CTNND2: variants seen among roughly 807,000 people sequenced by gnomAD.
CTNND2 encodes catenin delta 2, also known as catenin delta-2.
Under a neutral mutation model 144.4 loss-of-function variants are expected in CTNND2, and 22 were observed. The ratio of observed to expected loss-of-function variants is 0.15; its 90% CI spans 0.11 to 0.22. The LOEUF is 0.22. Among genes scored for constraint, CTNND2 ranks in the 10% least tolerant of loss-of-function variants. The probability of loss-of-function intolerance (pLI) is 1.00; values close to 1 mark genes in which losing one functional copy is unlikely to be tolerated. For missense variants in CTNND2, 1,353 were observed against 1,618.8 expected (o/e 0.84, Z 2.82); for synonymous variants, 751 against 695.6 (o/e 1.08, Z -1.25).
intron 1 of CTNND2, among the ~76,000 whole-genome samples, chr5:11,821,377 A>C (rs1793298237): frequency 6.6e-6 from 1 of 152,186 alleles, no homozygotes; most frequent in African/African-American, 2.4e-5. Context: ...AAGAAATGGC[A>C]AAGTGTATCA....
chr5:11,212,520 G>GC (rs1447217590), intron 10 of CTNND2, among the ~76,000 whole-genome samples: 4 of 152,198 alleles, frequency 2.6e-5, no homozygotes, highest in African/African-American at 9.7e-5. Flanking sequence ...AGACAATGGT[G>GC]CCTCTTCTTG....
intron 3 of CTNND2, among the ~76,000 whole-genome samples, chr5:11,437,561 A>ACTCCCCT: frequency 6.6e-6 from 1 of 152,332 alleles, no homozygotes; most frequent in Admixed American, 6.5e-5. Context: ...TGAGGGGAGT[A>ACTCCCCT]AATAAGGGAT....
intron 3 of CTNND2, among the ~76,000 whole-genome samples, chr5:11,427,198 G>A (rs1054730611): frequency 5.9e-5 from 9 of 151,328 alleles, no homozygotes; most frequent in Non-Finnish European, 1.2e-4. Context: ...ACTATGACGA[G>A]TTGAGAGCAA....
chr5:11,733,459 A>C (rs993938199), intron 1 of CTNND2, among the ~76,000 whole-genome samples: 16 of 152,196 alleles, frequency 1.1e-4, no homozygotes, highest in African/African-American at 3.4e-4. Flanking sequence ...TTGTTGTGTG[A>C]GAGTAGAAGA....
At chr5:11,256,728 A>G (rs1744290553) in intron 9 of CTNND2, among the ~76,000 whole-genome samples, 1 of 152,216 alleles carries the variant, frequency 6.6e-6, no homozygotes, top group Non-Finnish European at 1.5e-5. Context: ...AATGAGGCAT[A>G]GTGAATAATA....
In CTNND2 at chr5:11,744,223, T is replaced by C. The variant is rs151080162; in HGVS notation, c.38-11951A>G. 9.2e-5 allele frequency among the ~76,000 whole-genome samples: 14 copies of C among 152,328 alleles called. No homozygotes were observed. The East Asian group carries it at 1.9e-3, about 21-fold the overall frequency. ...AACTTATCTGTCTTAAAAATATTATTGAAAAGGTAGTGCTTTTAAAAACAA... is the reference window on the plus strand; with the variant it reads ...AACTTATCTGTCTTAAAAATATTATCGAAAAGGTAGTGCTTTTAAAAACAA... On this transcript the variant is annotated intron_variant, in intron 1 of 21. Transcript: ENST00000304623.
At chr5:10,978,617 G>A (rs928596763) in intron 21 of CTNND2, among the ~76,000 whole-genome samples, 1 of 152,204 alleles carries the variant, frequency 6.6e-6, no homozygotes, top group East Asian at 1.9e-4. Context: ...GTGGTCCTGA[G>A]CTATGAAGAT....
chr5:11,198,926 C>G (rs1037847021), intron 11 of CTNND2, among the ~76,000 whole-genome samples: 1 of 152,152 alleles, frequency 6.6e-6, no homozygotes, highest in African/African-American at 2.4e-5. Context: ...TTTTACTAAG[C>G]CCAAAAGTTC....
intron 3 of CTNND2, among the ~76,000 whole-genome samples, chr5:11,450,113 C>T (rs772382049): frequency 5.9e-5 from 9 of 152,194 alleles, no homozygotes; most frequent in East Asian, 1.9e-4. Context: ...TTTCTCAGAT[C>T]TTGGCTTCAA....
intron 2 of CTNND2, among the ~76,000 whole-genome samples, chr5:11,607,483 T>C (rs1489452746): frequency 1.3e-5 from 2 of 152,170 alleles, no homozygotes; most frequent in African/African-American, 4.8e-5. Flanking sequence ...TAGTTTTGAT[T>C]ACTGAGTTTT....
intron 1 of CTNND2, among the ~76,000 whole-genome samples, chr5:11,901,114 A>G (rs1737847675): frequency 6.6e-6 from 1 of 152,208 alleles, no homozygotes. Flanking sequence ...TACATAGTGT[A>G]CTGACCCTAT....
At chr5:11,194,257 C>T (rs937221521) in intron 11 of CTNND2, among the ~76,000 whole-genome samples, 4 of 152,108 alleles carry the variant, frequency 2.6e-5, no homozygotes, top group African/African-American at 9.7e-5. Flanking sequence ...TGGCAGGCAC[C>T]TGGGGTGCAG....
At chr5:11,603,945 C>T (rs2126344572) in intron 2 of CTNND2, among the ~76,000 whole-genome samples, 1 of 152,250 alleles carries the variant, frequency 6.6e-6, no homozygotes, top group South Asian at 2.1e-4. Flanking sequence ...ATATTTATTC[C>T]TAGAGTTACT....
chr5:11,089,026 G>C (rs528299683), intron 15 of CTNND2, among the ~76,000 whole-genome samples: 62 of 152,292 alleles, frequency 4.1e-4, no homozygotes, highest in African/African-American at 1.4e-3. Context: ...TTATGAACTT[G>C]TGTTTTTGCT....
rs564732812 is a variant in CTNND2, at chr5:11,134,554, T to C, written c.2160-16987A>G. Among the ~76,000 whole-genome samples, 51 of 152,338 alleles carry C rather than the reference T, an allele frequency of 3.3e-4. 2 individuals are homozygous for C. In the South Asian group the frequency reaches 9.7e-3, roughly 29 times the overall value. Reference sequence around the variant, plus strand: ...AGATAAAACAAAAGGAAACCCACCATAGTAATTTTCACAAATGTTCATTTT... The same window carrying C: ...AGATAAAACAAAAGGAAACCCACCACAGTAATTTTCACAAATGTTCATTTT... On this transcript the variant is annotated intron_variant, in intron 12 of 21. Transcript: ENST00000304623.
At chr5:11,160,714 G>C (rs1427790340) in intron 11 of CTNND2, among the ~76,000 whole-genome samples, 1 of 152,122 alleles carries the variant, frequency 6.6e-6, no homozygotes, top group Non-Finnish European at 1.5e-5. Context: ...AAACACTATA[G>C]TTGTCTTTGG....
chr5:11,601,234 G>A (rs1779776900), intron 2 of CTNND2, among the ~76,000 whole-genome samples: 1 of 152,070 alleles, frequency 6.6e-6, no homozygotes, highest in Non-Finnish European at 1.5e-5. Flanking sequence ...AGGAAAGCTG[G>A]TATCACATTG....
chr5:11,089,640 A>C (rs1750555269), intron 15 of CTNND2, among the ~76,000 whole-genome samples: 1 of 152,210 alleles, frequency 6.6e-6, no homozygotes, highest in South Asian at 2.1e-4. Flanking sequence ...ACTATGCAAA[A>C]AGGATCAAAG....
At chr5:11,266,973 G>T (rs1006643346) in intron 9 of CTNND2, among the ~76,000 whole-genome samples, 4 of 152,174 alleles carry the variant, frequency 2.6e-5, no homozygotes, top group Admixed American at 2.0e-4. Context: ...CCATCTCCAG[G>T]GTTCAAGCAA....
Sources: allele counts gnomAD v4.1 joint callset (sites outside exome capture counted in the v4.1 genomes callset), GRCh38; gene constraint gnomAD v4.1.1; transcripts MANE v1.5; gene names NCBI Gene and HGNC (gene_info 2026-07-23, HGNC 2026-07-21).